Variants in ZNF469 observed in about 807,000 individuals in gnomAD.
ZNF469 encodes the protein zinc finger protein 469.
ZNF469 carries 1 observed loss-of-function variant against 1.0 expected under a neutral mutation model. The observed-to-expected ratio is 1.00, with a 90% CI of 0.35 to 4.73. The LOEUF (loss-of-function observed/expected upper bound fraction) is 4.73, where lower values mean the gene tolerates loss of function less well. Ranked by LOEUF, ZNF469 falls within the 30% of genes most tolerant of loss-of-function variation. The pLI is 0.16. For synonymous variants in ZNF469, 2,703 were observed against 2,363.4 expected, an observed-to-expected ratio of 1.14 and a Z score of -4.17; for missense variants, 6,100 against 5,356.3, an observed-to-expected ratio of 1.14 and a Z score of -4.33.
chr16:88,127,369 T>C, the ZNF469 span, among the ~76,000 whole-genome samples: 6 of 152,276 alleles, frequency 3.9e-5, no homozygotes, highest in African/African-American at 1.4e-4. Flanking sequence ...TTCCAGGATC[T>C]CGCTAGAATA....
chr16:88,312,393 G>A, the ZNF469 span, among the ~76,000 whole-genome samples: 1 of 152,204 alleles, frequency 6.6e-6, no homozygotes, highest in South Asian at 2.1e-4. Flanking sequence ...TTTGTCTCTT[G>A]ACGGGTTGGT....
the ZNF469 span, among the ~76,000 whole-genome samples, chr16:88,135,214 C>T: frequency 6.6e-6 from 1 of 152,264 alleles, no homozygotes; most frequent in African/African-American, 2.4e-5. Context: ...TCTTCAGTGT[C>T]CTCATTTCTC....
At chr16:88,125,937 C>G in the ZNF469 span, among the ~76,000 whole-genome samples, 1 of 151,874 alleles carries the variant, frequency 6.6e-6, no homozygotes, top group Non-Finnish European at 1.5e-5. Context: ...GCCTATAATC[C>G]TAGCACTTTG....
the ZNF469 span, among the ~76,000 whole-genome samples, chr16:88,350,169 A>G: frequency 0.012 from 1,820 of 152,280 alleles, 19 homozygotes; most frequent in Non-Finnish European, 0.019. Flanking sequence ...AACACTGTCC[A>G]CGTTTAAACA....
the ZNF469 span, among the ~76,000 whole-genome samples, chr16:88,199,014 C>T: frequency 0.025 from 3,844 of 152,234 alleles, 167 homozygotes; most frequent in East Asian, 0.18. Flanking sequence ...CTCTGCAGGC[C>T]GTGTTTGAGG....
At chr16:88,384,472 A>G (rs1382363388) in intron 1 of ZNF469, among the ~76,000 whole-genome samples, 4 of 152,118 alleles carry the variant, frequency 2.6e-5, no homozygotes, top group Non-Finnish European at 5.9e-5. Context: ...GCTGGGGCGG[A>G]GCTGCAGTTT....
the ZNF469 span, among the ~76,000 whole-genome samples, chr16:88,352,827 C>T: frequency 6.6e-6 from 1 of 152,206 alleles, no homozygotes; most frequent in South Asian, 2.1e-4. Flanking sequence ...GCTCTGATGG[C>T]TGACCCCGTC....
At chr16:88,381,424 TCACA>T (rs10641858), upstream of ZNF469, among the ~76,000 whole-genome samples, 2 of 151,058 alleles carry the variant, frequency 1.3e-5, no homozygotes, top group Admixed American at 6.6e-5. Context: ...ATGCACTCTC[TCACA>T]CACACACACG....
intron 1 of ZNF469, among the ~76,000 whole-genome samples, chr16:88,405,028 C>T (rs568546196): frequency 1.6e-4 from 24 of 152,242 alleles, no homozygotes; most frequent in African/African-American, 5.3e-4. Context: ...TCTAACAGGG[C>T]GGGGAGGGGG....
chr16:88,191,226 G>T, the ZNF469 span, among the ~76,000 whole-genome samples: 1 of 152,060 alleles, frequency 6.6e-6, no homozygotes, highest in South Asian at 2.1e-4. Flanking sequence ...GCAGTCTGCA[G>T]TTCTACTCTT....
At chr16:88,215,838 G>A in the ZNF469 span, among the ~76,000 whole-genome samples, 2 of 151,940 alleles carry the variant, frequency 1.3e-5, no homozygotes, top group Non-Finnish European at 2.9e-5. Context: ...AATCTTAACC[G>A]CTACTACTTT....
the ZNF469 span, among the ~76,000 whole-genome samples, chr16:88,334,151 A>C: frequency 6.6e-6 from 1 of 152,052 alleles, no homozygotes; most frequent in African/African-American, 2.4e-5. Context: ...GCAGGCGTGA[A>C]GCTAAGGAAG....
chr16:88,238,064 A>G, the ZNF469 span, among the ~76,000 whole-genome samples: 1 of 152,282 alleles, frequency 6.6e-6, no homozygotes, highest in African/African-American at 2.4e-5. Flanking sequence ...CCATTCACCT[A>G]TGAAGGTATC....
Position 88,434,695 on chromosome 16 carries a change from A to G in ZNF469, c.7225A>G (p.Thr2409Ala), listed in dbSNP as rs1397335545. 1.9e-6 allele frequency: 3 copies of G among 1,550,378 alleles called. No homozygotes were observed. Among genetic ancestry groups the G allele is most frequent in the East Asian group, 4.9e-5 (2 of 40,922 alleles). ...CACAGGACTGGGCTTGGGAAGAACC[A>G]CAGCCCCAAGCAGCACAGCCAGTGA... Reference protein sequence around the residue: ...PSTGLGLGRTTAPSSTASDFQ... With the variant: ...PSTGLGLGRTAAPSSTASDFQ... Residue 2409 changes from threonine to alanine, a missense_variant, in exon 3 of 3, where the codon ACA becomes GCA. Transcript: ENST00000565624.
At chr16:88,342,417 T>C in the ZNF469 span, among the ~76,000 whole-genome samples, 2 of 152,130 alleles carry the variant, frequency 1.3e-5, no homozygotes, top group Non-Finnish European at 2.9e-5. Flanking sequence ...CGAACCTGGA[T>C]GGAGCCTCAG....
chr16:88,229,590 G>A, the ZNF469 span, among the ~76,000 whole-genome samples: 451 of 128,918 alleles, frequency 3.5e-3, 1 homozygote, highest in African/African-American at 0.01. Context: ...GATGTCACGC[G>A]TGTGGATGTC....
In ZNF469 at chr16:88,424,862, G is replaced by A. The variant is rs781357772; in HGVS notation, c.-136G>A. Among the ~76,000 whole-genome samples, 13 of 152,116 alleles carry A rather than the reference G, an allele frequency of 8.5e-5. No homozygotes were observed. The highest frequency in any genetic ancestry group is 1.8e-4 in the Non-Finnish European group (12 of 68,006). ...GCGGCGACCCAGCTGAGGGGCCCCC[G>A]ACTCCCCAGGTATGTACAGGCAGCA... On this transcript the variant is annotated 5_prime_UTR_variant, in exon 2 of 3. Transcript: ENST00000565624. This position sits in a 1 kb window ranked among gnomAD's most constrained non-coding sequence, Gnocchi z 4.3.
the ZNF469 span, among the ~76,000 whole-genome samples, chr16:88,268,651 C>A: frequency 6.6e-6 from 1 of 152,218 alleles, no homozygotes; most frequent in Non-Finnish European, 1.5e-5. Context: ...GCCAGCAGGA[C>A]GTGTGGCTGT....
the ZNF469 span, among the ~76,000 whole-genome samples, chr16:88,337,622 A>G: frequency 5.3e-5 from 8 of 152,258 alleles, no homozygotes; most frequent in East Asian, 1.5e-3. Context: ...CTCATTTTGC[A>G]TCCCCATTTG....
Sources: allele counts gnomAD v4.1 joint callset (sites outside exome capture counted in the v4.1 genomes callset), GRCh38; gene constraint gnomAD v4.1.1; non-coding constraint Gnocchi (gnomAD v3.1); transcripts MANE v1.5; gene names NCBI Gene and HGNC (gene_info 2026-07-23, HGNC 2026-07-21).